The following MGAT5B variants were observed in gnomAD, a reference collection of about 807,000 sequenced individuals.
MGAT5B encodes alpha-1,6-mannosylglycoprotein 6-beta-N-acetylglucosaminyltransferase B.
A neutral mutation model predicts 95.1 loss-of-function variants in MGAT5B; 54 were observed. The observed-to-expected ratio is 0.57, with a 90% confidence interval of 0.46 to 0.71. The LOEUF is 0.71. Ranked by LOEUF, MGAT5B falls within the 30% of genes least tolerant of loss-of-function variation. The probability of loss-of-function intolerance (pLI) is 0.00; values close to 1 mark genes in which losing one functional copy is unlikely to be tolerated. For missense variants in MGAT5B, 935 were observed against 1,088.6 expected, an observed-to-expected ratio of 0.86 and a Z score of 1.99; for synonymous variants, 464 against 451.0, an observed-to-expected ratio of 1.03 and a Z score of -0.36.
At chr17:76,882,325 C>T (rs763311775) in intron 3 of MGAT5B, 27 bp downstream of exon 3, 37 of 1,571,406 alleles carry the variant, frequency 2.4e-5, no homozygotes, top group African/African-American at 5.4e-5. Context: ...AGGAGGCACA[C>T]GGAGCAGGGG....
rs11651556 is a variant in MGAT5B at position 76,916,424 on chromosome 17, A to C, written c.1026-8542A>C. On this transcript the variant is annotated intron_variant, in intron 8 of 17. Coordinates refer to ENST00000569840, the MANE Select transcript of MGAT5B (RefSeq NM_001199172.2). The surrounding 1 kb of genome is among the most constrained non-coding windows in gnomAD (Gnocchi z 5.3). Reference sequence around the variant, plus strand: ...TGGGGAGGGCTGCAAGGGAAGACTCATGGAAATGACGTCGCTGGCCCTCAT... The same window carrying C: ...TGGGGAGGGCTGCAAGGGAAGACTCCTGGAAATGACGTCGCTGGCCCTCAT... Among the ~76,000 whole-genome samples, 4 of 152,110 alleles carry C rather than the reference A, an allele frequency of 2.6e-5. No individual in the cohort carries two copies. The highest frequency in any genetic ancestry group is 1.3e-4 in the Admixed American group (2 of 15,274).
chr17:76,948,240 C>T (rs576412217), intron 17 of MGAT5B, among the ~76,000 whole-genome samples, 154 bp downstream of exon 17: 1 of 152,320 alleles, frequency 6.6e-6, no homozygotes, highest in South Asian at 2.1e-4. Flanking sequence ...AGAAGGGATC[C>T]TCCAGGCCAT....
At chr17:76,927,066 C>G (rs2145243843) in intron 10 of MGAT5B, among the ~76,000 whole-genome samples, 1 of 152,298 alleles carries the variant, frequency 6.6e-6, no homozygotes, top group South Asian at 2.1e-4. Flanking sequence ...GAAAGAGAGG[C>G]TTTCCAGAGT....
rs1184521839 is a variant in MGAT5B, at chr17:76,905,482, A to T, written c.855+149A>T. On this transcript the variant is annotated intron_variant, in intron 7 of 17. Transcript: ENST00000569840. This position sits in a 1 kb window ranked among gnomAD's most constrained non-coding sequence, Gnocchi z 4.2. The stretch of plus-strand genomic sequence containing the variant: ...GAGGGGTAGGGATGGCAGAGTCGGG[A>T]TAGATGTCTGTGGTGGTGGCCCCTG... 1.3e-6 allele frequency: 1 copy of T among 776,104 alleles called. No individual in the cohort carries two copies. Among genetic ancestry groups the T allele is most frequent in the East Asian group, 2.8e-5 (1 of 35,980 alleles). The allele number at this position is 776,104 out of a possible 1,614,324, so 48.1% of individuals were successfully genotyped here.
At position 76,925,140 on chromosome 17, in the gene MGAT5B, G is replaced by A. The variant is rs765791226; in HGVS notation, c.1157+43G>A. On this transcript the variant is annotated intron_variant, in intron 9 of 17. Transcript: ENST00000569840. ...GGGTGGGCACGTGGCCCACATGCCA[G>A]GGGAGAAAGCTCCTCCTTCACGCCC... 3.7e-6 allele frequency: 6 copies of A among 1,607,890 alleles called. No homozygotes were observed. The African/African-American group carries it at 5.4e-5, about 14-fold the overall frequency.
chr17:76,926,727 T>C lies in MGAT5B; in HGVS notation c.1288T>C (p.Phe430Leu), dbSNP rs746663284. 6.2e-7 allele frequency: 1 copy of C among 1,612,566 alleles called. No individual in the cohort carries two copies. The highest frequency in any genetic ancestry group is 8.5e-7 in the Non-Finnish European group (1 of 1,179,832). Residue 430 changes from phenylalanine (F) to leucine (L), a missense_variant, in exon 10 of 18, where the codon TTT becomes CTT. Physicochemically the swap from Phe to Leu is conservative, Grantham distance 22 (BLOSUM62 0). Transcript: ENST00000569840. The stretch of plus-strand genomic sequence containing the variant: ...CAACCCCAAGCAGTTCATGACCATG[T>C]TTCGTGAGTGCCCCACAGGGCAGGG... ...NLNPKQFMTM[F>L]PHTPDNSFMG... is the part of the protein sequence containing the mutation.
intron 2 of MGAT5B, 65 bp from the exon 3 acceptor site, chr17:76,882,086 T>G: frequency 6.5e-7 from 1 of 1,526,966 alleles, no homozygotes; most frequent in Non-Finnish European, 8.9e-7. Flanking sequence ...CTGCCCCAGC[T>G]CGGACACCAG....
chr17:76,915,308 G>T lies in MGAT5B; in HGVS notation c.1025+9121G>T, dbSNP rs1968888018. On this transcript the variant is annotated intron_variant, in intron 8 of 17. Transcript: ENST00000569840. This position sits in a 1 kb window ranked among gnomAD's most constrained non-coding sequence, Gnocchi z 8.7. ...GAGGAGAGAAGGAGAAGAGACCAGG[G>T]TATACTGTAAATGCAGCGGGGTGGG... 7.2e-6 allele frequency among the ~76,000 whole-genome samples: 1 copy of T among 139,350 alleles called. No homozygotes were observed. The highest frequency in any genetic ancestry group is 1.6e-5 in the Non-Finnish European group (1 of 64,148). 91.4% of individuals were successfully genotyped at this position (139,350 alleles called of 152,430 possible).
Position 76,940,358 on chromosome 17 carries a change from G to C in MGAT5B, c.1585-44G>C. 3 of 1,528,514 alleles carry C rather than the reference G, an allele frequency of 2.0e-6. No individual in the cohort carries two copies. Among genetic ancestry groups the C allele is most frequent in the Non-Finnish European group, 2.6e-6 (3 of 1,135,988 alleles). The allele number at this position is 1,528,514 out of a possible 1,614,324, so 94.7% of individuals were successfully genotyped here. ...GGCATCCTGGTGCTTACTGGGCTGT[G>C]GCGGCCCAGCCCTCCCTGATCACTG... On this transcript the variant is annotated intron_variant, in intron 13 of 17. Transcript: ENST00000569840. The surrounding 1 kb of genome is among the most constrained non-coding windows in gnomAD (Gnocchi z 4.3).
At chr17:76,872,794 G>A (rs747294277) in intron 1 of MGAT5B, 57 bp from the exon 2 acceptor site, 4 of 1,613,966 alleles carry the variant, frequency 2.5e-6, no homozygotes, top group East Asian at 2.2e-5. Context: ...ACGTGGTGGA[G>A]CGTCAGGGCA....
rs776729420 is a variant in MGAT5B, at chr17:76,925,048, G to T, written c.1108G>T (p.Gly370Cys). 1.2e-6 allele frequency: 2 copies of T among 1,611,540 alleles called. No homozygotes were observed. Among genetic ancestry groups the T allele is most frequent in the Non-Finnish European group, 8.5e-7 (1 of 1,179,374 alleles). ...CGACCTCATCTACACCGACTACCAC[G>T]GCCTGCAGCAGATGAAGCGGCACAT... ...PFDLIYTDYHGLQQMKRHMGL... is the reference protein window; with the variant it reads ...PFDLIYTDYHCLQQMKRHMGL... The change falls in exon 9 of 18, where the codon GGC becomes TGC. Residue 370 changes from glycine (G) to cysteine (C), a missense_variant. Physicochemically the swap from Gly to Cys is radical, Grantham distance 159 (BLOSUM62 -3). Around this residue, in one of 4 missense-constraint regions of MGAT5B, gnomAD observed 243 missense variants for 305.5 expected, o/e 0.80. Transcript: ENST00000569840.
intron 8 of MGAT5B, among the ~76,000 whole-genome samples, chr17:76,920,411 C>T (rs940232316): frequency 2.0e-5 from 3 of 152,164 alleles, no homozygotes; most frequent in Admixed American, 6.5e-5. Context: ...TGAAGGTTGT[C>T]GGGGGACGGC....
chr17:76,882,372 C>T (rs979845207), intron 3 of MGAT5B, 74 bp downstream of exon 3: 42 of 1,492,234 alleles, frequency 2.8e-5, no homozygotes, highest in Middle Eastern at 2.3e-4. Flanking sequence ...GGGTGCTGTC[C>T]GTCATCTCCT....
rs767805858 is a variant in MGAT5B, at chr17:76,926,654, G to A, written c.1215G>A (p.Glu405=). ...FGTEPAYNHE[E]YATLHGYRTN... is the part of the protein sequence containing the mutation. ...CGGAACCTGCGTACAACCACGAGGA[G>A]TACGCCACGCTGCACGGCTACCGGA... The change falls in exon 10 of 18, where the codon GAG becomes GAA. Residue 405 remains glutamate, a synonymous_variant. Coordinates refer to ENST00000569840, the MANE Select transcript of MGAT5B (RefSeq NM_001199172.2). 2 of 1,612,722 alleles carry A rather than the reference G, an allele frequency of 1.2e-6. No homozygotes were observed. The highest frequency in any genetic ancestry group is 1.7e-6 in the Non-Finnish European group (2 of 1,179,930).
At chr17:76,939,029 G>GGTGTGTGTGTGTGTGTGT (rs372571720) in intron 13 of MGAT5B, among the ~76,000 whole-genome samples, 4 of 128,190 alleles carry the variant, frequency 3.1e-5, no homozygotes, top group Non-Finnish European at 4.8e-5. Flanking sequence ...GCATCTTGGG[G>GGTGTGTGTGTGTGTGTGT]GTGTGTGTGT....
intron 3 of MGAT5B, among the ~76,000 whole-genome samples, chr17:76,892,566 G>A (rs1231874700): frequency 6.6e-6 from 1 of 152,236 alleles, no homozygotes; most frequent in East Asian, 1.9e-4. Context: ...TTTGCTAGGA[G>A]GACTCAGAAC....
At chr17:76,898,332 A>ATTTT (rs1056312668) in intron 3 of MGAT5B, among the ~76,000 whole-genome samples, 2 of 65,072 alleles carry the variant, frequency 3.1e-5, no homozygotes, top group Non-Finnish European at 6.1e-5. Context: ...TAATCTTTTT[A>ATTTT]TTTTTTTTTT....
chr17:76,926,784 G>A, intron 10 of MGAT5B, 54 bp downstream of exon 10: 5 of 1,589,442 alleles, frequency 3.1e-6, no homozygotes, highest in Non-Finnish European at 4.3e-6. Flanking sequence ...ATGGTTCTCA[G>A]AGGTGACACG....
intron 5 of MGAT5B, 23 bp from the exon 6 acceptor site, chr17:76,904,229 G>A: frequency 6.3e-7 from 1 of 1,589,924 alleles, no homozygotes; most frequent in South Asian, 1.1e-5. Context: ...GCAGCCCCCT[G>A]CCCAGCCTGG....
Sources: allele counts gnomAD v4.1 joint callset (sites outside exome capture counted in the v4.1 genomes callset), GRCh38; gene constraint gnomAD v4.1.1; regional missense constraint gnomAD v4.1.1; non-coding constraint Gnocchi (gnomAD v3.1); transcripts MANE v1.5; gene names NCBI Gene and HGNC (gene_info 2026-07-23, HGNC 2026-07-21).